NID1: variants seen among roughly 807,000 people sequenced by gnomAD.
The protein encoded by NID1 is nidogen 1.
Under a neutral mutation model 130.6 loss-of-function variants are expected in NID1, and 76 were observed. That is an observed-to-expected ratio of 0.58 (90% CI 0.48 to 0.70). The LOEUF is 0.70. Among genes scored for constraint, NID1 ranks in the 30% least tolerant of loss-of-function variants. The pLI is 0.00. For missense variants in NID1, 1,517 were observed against 1,664.8 expected (o/e 0.91, Z 1.54); for synonymous variants, 665 against 675.1 (o/e 0.98, Z 0.23).
At chr1:235,986,252 A>G (rs966363467) in intron 14 of NID1, among the ~76,000 whole-genome samples, 3 of 152,230 alleles carry the variant, frequency 2.0e-5, no homozygotes, top group African/African-American at 7.2e-5. Context: ...CATATTGAAG[A>G]AGTAAAATTA....
At chr1:236,024,258 C>CTTGCAGGT in intron 8 of NID1, 45 bp from the exon 9 acceptor site, 1 of 1,604,620 alleles carries the variant, frequency 6.2e-7, no homozygotes, top group Non-Finnish European at 8.5e-7. Flanking sequence ...TTCAGGAGCT[C>CTTGCAGGT]TTGCAGGTTT....
At chr1:236,005,357 C>G (rs994217671) in intron 12 of NID1, among the ~76,000 whole-genome samples, 1 of 151,796 alleles carries the variant, frequency 6.6e-6, no homozygotes, top group Non-Finnish European at 1.5e-5. Context: ...AACACAAGAA[C>G]CTAAACAACT....
intron 9 of NID1, among the ~76,000 whole-genome samples, chr1:236,019,874 T>G (rs1208019053): frequency 5.9e-5 from 9 of 151,866 alleles, no homozygotes; most frequent in Admixed American, 5.9e-4. Context: ...AAACCCCATC[T>G]CTACTAAAAA....
intron 12 of NID1, among the ~76,000 whole-genome samples, chr1:236,007,490 C>T (rs1013955379): frequency 2.0e-5 from 3 of 152,104 alleles, no homozygotes; most frequent in South Asian, 2.1e-4. Flanking sequence ...AGGGATGGCC[C>T]GAGACTGATG....
chr1:236,028,604 C>T (rs1167519159), intron 7 of NID1, among the ~76,000 whole-genome samples: 1 of 151,986 alleles, frequency 6.6e-6, no homozygotes, highest in Non-Finnish European at 1.5e-5. Flanking sequence ...AAAAGAATGT[C>T]CTTGTTCTTA....
At chr1:236,038,049 CA>C in intron 5 of NID1, 54 bp downstream of exon 5, 1 of 1,547,948 alleles carries the variant, frequency 6.5e-7, no homozygotes, top group East Asian at 2.3e-5. Flanking sequence ...AGCACCAAAA[CA>C]AAAACTCCGC....
chr1:236,045,429 A>G (rs1427185422), intron 3 of NID1, 28 bp downstream of exon 3: 2 of 1,454,366 alleles, frequency 1.4e-6, no homozygotes, highest in South Asian at 2.3e-5. Context: ...TTAAGAGGAG[A>G]ATCTACTGAA....
At chr1:235,986,647 A>T (rs1317026694) in intron 14 of NID1, among the ~76,000 whole-genome samples, 2 of 152,182 alleles carry the variant, frequency 1.3e-5, no homozygotes, top group African/African-American at 4.8e-5. Flanking sequence ...TTTTTTGTAG[A>T]GACAGCGTCT....
At chr1:236,032,686 C>A in intron 5 of NID1, 34 bp from the exon 6 acceptor site, 1 of 1,609,044 alleles carries the variant, frequency 6.2e-7, no homozygotes, top group Non-Finnish European at 8.5e-7. Context: ...ATATAGAGAT[C>A]ACTTCCAAGC....
rs1473024511 is a variant in NID1 at position 236,048,823 on chromosome 1, G to C, written c.392C>G (p.Thr131Ser). ...YYREDLSPSI[T>S]QRAAECVHRG... Reference sequence around the variant, plus strand: ...GTGGACACACTCTGCTGCTCGCTGAGTGATGGAGGGGGATAAGTCTTCTCG... The same window carrying C: ...GTGGACACACTCTGCTGCTCGCTGACTGATGGAGGGGGATAAGTCTTCTCG... The change falls in exon 2 of 20, where the codon ACT becomes AGT. Residue 131 changes from threonine (T) to serine (S), a missense_variant. Thr to Ser is a moderately conservative substitution (Grantham distance 58, BLOSUM62 1). This residue lies in a region of NID1 where 1,329 missense variants were observed against 1,429.2 expected (regional missense o/e 0.93). Transcript: ENST00000264187. 1.2e-6 allele frequency: 2 copies of C among 1,614,056 alleles called. No individual in the cohort carries two copies. The highest frequency in any genetic ancestry group is 2.7e-5 in the African/African-American group (2 of 74,912).
At chr1:235,993,061 C>G (rs926985308) in intron 13 of NID1, among the ~76,000 whole-genome samples, 8 of 152,044 alleles carry the variant, frequency 5.3e-5, no homozygotes, top group Admixed American at 5.2e-4. Flanking sequence ...CCACTGCCTC[C>G]GGTGATGGTC....
rs576066141 is a variant in NID1, at chr1:235,977,878, C to A, written c.3733G>T (p.Glu1245Ter). 2 of 1,614,022 alleles carry A rather than the reference C, an allele frequency of 1.2e-6. No individual in the cohort carries two copies. The highest frequency in any genetic ancestry group is 4.5e-5 in the East Asian group (2 of 44,878). The part of the protein sequence containing the change: ...PDNTLGVDCI[E>*]QK ...AGGCACTCTTGTCTTCATTTCTGTT[C>A]GATACAGTCAACTCCCAAGGTGTTG... The change falls in exon 20 of 20, where the codon GAA (glutamate) becomes TAA (stop). Residue 1245 changes from glutamate (E) to a stop codon, truncating the protein, a stop_gained. Transcript: ENST00000264187. LOFTEE classifies it high-confidence loss of function.
At chr1:236,041,391 T>C (rs1045738473) in intron 4 of NID1, among the ~76,000 whole-genome samples, 3 of 151,880 alleles carry the variant, frequency 2.0e-5, no homozygotes, top group African/African-American at 7.3e-5. Context: ...GAGTATCTAC[T>C]TTGATATATA....
chr1:236,053,254 G>A (rs1659811835), intron 1 of NID1, among the ~76,000 whole-genome samples: 1 of 152,112 alleles, frequency 6.6e-6, no homozygotes, highest in South Asian at 2.1e-4. Flanking sequence ...GGGCTTCATG[G>A]GAAGTTTGGT....
intron 12 of NID1, 122 bp from the exon 13 acceptor site, chr1:235,993,994 G>A (rs1657845471): frequency 1.3e-6 from 1 of 770,142 alleles, no homozygotes; most frequent in Non-Finnish European, 2.1e-6. Context: ...GTGTCACTGG[G>A]TTTTGTTTCA....
intron 1 of NID1, among the ~76,000 whole-genome samples, chr1:236,050,325 G>A (rs939536568): frequency 4.6e-5 from 7 of 152,132 alleles, no homozygotes; most frequent in Admixed American, 6.5e-5. Flanking sequence ...AGGCTGAGGC[G>A]GGTGGATCAC....
chr1:236,055,611 C>T (rs927956941), intron 1 of NID1, among the ~76,000 whole-genome samples: 8 of 151,428 alleles, frequency 5.3e-5, no homozygotes, highest in Non-Finnish European at 7.4e-5. Context: ...GTCAAGATCA[C>T]GCCACTGCAC....
intron 12 of NID1, among the ~76,000 whole-genome samples, chr1:236,008,313 G>A (rs1342495463): frequency 1.3e-5 from 2 of 152,118 alleles, no homozygotes; most frequent in Non-Finnish European, 2.9e-5. Context: ...TGACATTTCA[G>A]TAGCCATGAT....
intron 1 of NID1, among the ~76,000 whole-genome samples, chr1:236,049,836 A>T (rs1467892154): frequency 6.6e-6 from 1 of 151,468 alleles, no homozygotes; most frequent in East Asian, 2.0e-4. Context: ...TCAGGAGTTT[A>T]AGACCAGCCT....
Sources: gnomAD v4.1 joint callset for allele counts (sites outside exome capture counted in the v4.1 genomes callset) on GRCh38, gnomAD v4.1.1 for gene constraint, gnomAD v4.1.1 regional missense constraint, MANE v1.5 for transcripts, NCBI Gene and HGNC (gene_info 2026-07-23, HGNC 2026-07-21) for gene names.